Variants in KAT6B observed in about 807,000 individuals in gnomAD.
The protein encoded by KAT6B is histone acetyltransferase KAT6B.
In KAT6B, 10 loss-of-function variants were observed where a neutral mutation model predicts 187.5. The ratio of observed to expected loss-of-function variants is 0.05; its 90% CI spans 0.03 to 0.09. The LOEUF is 0.09. KAT6B is among the 10% of genes least tolerant of loss of function. KAT6B has a pLI of 1.00. For synonymous variants in KAT6B, 861 were observed against 926.8 expected, an observed-to-expected ratio of 0.93 and a Z score of 1.29; for missense variants, 1,952 against 2,558.9, an observed-to-expected ratio of 0.76 and a Z score of 5.12.
intron 6 of KAT6B, 60 bp downstream of exon 6, chr10:74,970,161 A>C: frequency 1.6e-6 from 2 of 1,271,626 alleles, no homozygotes; most frequent in Non-Finnish European, 2.3e-6. Flanking sequence ...CTTTGTCCTG[A>C]GGTCTGACAG....
chr10:74,845,537 A>C (rs1842036563), intron 3 of KAT6B, among the ~76,000 whole-genome samples: 1 of 148,782 alleles, frequency 6.7e-6, no homozygotes, highest in South Asian at 2.1e-4. Flanking sequence ...AAAAAAAAAA[A>C]ACAAAAAAAA....
intron 3 of KAT6B, among the ~76,000 whole-genome samples, chr10:74,857,656 A>G (rs943049468): frequency 6.6e-6 from 1 of 152,200 alleles, no homozygotes; most frequent in Non-Finnish European, 1.5e-5. Flanking sequence ...ACCTAAATCA[A>G]ATTTTGCATT....
At position 74,842,588 on chromosome 10, in the gene KAT6B, T is replaced by G; in HGVS notation, c.-258-12T>G. ...ATTATTAAGAGACTTTCCCCTCTTTTTATCCTTTAAGGTCTTGATTTCCCA... is the reference window on the plus strand; with the variant it reads ...ATTATTAAGAGACTTTCCCCTCTTTGTATCCTTTAAGGTCTTGATTTCCCA... On this transcript the variant is annotated splice_polypyrimidine_tract_variant and intron_variant, in intron 2 of 17. Transcript: ENST00000287239. The G allele has an allele frequency of 1.7e-6, 1 of 590,068 alleles. No individual in the cohort carries two copies. Among genetic ancestry groups the G allele is most frequent in the Non-Finnish European group, 3.0e-6 (1 of 334,066 alleles). The allele number at this position is 590,068 out of a possible 1,614,324, so 36.6% of individuals were successfully genotyped here. A position where few individuals can be genotyped will look rare whatever the true frequency, so the allele number is the denominator to read the frequency against.
At chr10:74,926,657 A>G (rs954419865) in intron 3 of KAT6B, among the ~76,000 whole-genome samples, 3 of 152,224 alleles carry the variant, frequency 2.0e-5, no homozygotes, top group Non-Finnish European at 4.4e-5. Context: ...AGACCAGTCT[A>G]AATGCCACCT....
At chr10:74,830,369 C>G (rs1840659634) in intron 1 of KAT6B, among the ~76,000 whole-genome samples, 1 of 152,052 alleles carries the variant, frequency 6.6e-6, no homozygotes, top group South Asian at 2.1e-4. Flanking sequence ...ATCTGGTGCC[C>G]ATGTGCACAA....
At chr10:74,872,112 A>G (rs1353153236) in intron 3 of KAT6B, among the ~76,000 whole-genome samples, 1 of 152,208 alleles carries the variant, frequency 6.6e-6, no homozygotes, top group Non-Finnish European at 1.5e-5. Flanking sequence ...AATGCCCGGC[A>G]TTGTGTCTGG....
At chr10:74,979,142 A>C in intron 9 of KAT6B, 82 bp from the exon 10 acceptor site, 2 of 880,608 alleles carry the variant, frequency 2.3e-6, no homozygotes, top group South Asian at 2.9e-5. Flanking sequence ...GATCTTGATA[A>C]GTTTTGATAG....
intron 13 of KAT6B, among the ~76,000 whole-genome samples, chr10:75,018,087 C>T (rs755593465): frequency 7.2e-5 from 11 of 152,208 alleles, no homozygotes; most frequent in Non-Finnish European, 1.3e-4. Flanking sequence ...CGGTGCACGT[C>T]ATCCCTGCAC....
At chr10:75,021,435 G>A (rs1016502364) in intron 15 of KAT6B, 150 bp downstream of exon 15, 2 of 724,708 alleles carry the variant, frequency 2.8e-6, no homozygotes, top group African/African-American at 1.8e-5. Flanking sequence ...AACTGAGGTT[G>A]CATGGTAAGA....
In KAT6B at chr10:75,028,740, A is replaced by G. The variant is rs1378257308; in HGVS notation, c.3916A>G (p.Arg1306Gly). 3.1e-6 allele frequency: 5 copies of G among 1,613,988 alleles called. No homozygotes were observed. Among genetic ancestry groups the G allele is most frequent in the Non-Finnish European group, 4.2e-6 (5 of 1,180,036 alleles). ...AGGAAAAACCAGCCCCAGTCCCATC[A>G]GGATTGAGGAGGAGGTCAAGGAAAC... Reference protein sequence around the residue: ...SEGKTSPSPIRIEEEVKETGE... With the variant: ...SEGKTSPSPIGIEEEVKETGE... Residue 1306 changes from arginine (R) to glycine (G), a missense_variant, in exon 18 of 18, where the codon AGG (arginine) becomes GGG (glycine). Arg to Gly is a moderately radical substitution (Grantham distance 125). Around this residue, in one of 9 missense-constraint regions of KAT6B, gnomAD observed 758 missense variants for 891.4 expected, o/e 0.85. Coordinates refer to ENST00000287239, the MANE Select transcript of KAT6B (RefSeq NM_012330.4).
rs151215354 is a variant in KAT6B, at chr10:75,028,766, T to A, written c.3942T>A (p.Thr1314=). ...GGATTGAGGAGGAGGTCAAGGAAAC[T>A]GGGGAAGCCCTGTTGCCTCAAGAGG... ...PIRIEEEVKE[T]GEALLPQEEN... Residue 1314 remains threonine (T), a synonymous_variant, in exon 18 of 18, where the codon ACT becomes ACA. Coordinates refer to ENST00000287239, the MANE Select transcript of KAT6B (RefSeq NM_012330.4). 1 of 1,614,058 alleles carries A rather than the reference T, an allele frequency of 6.2e-7. No individual in the cohort carries two copies. Among genetic ancestry groups the A allele is most frequent in the Non-Finnish European group, 8.5e-7 (1 of 1,180,014 alleles).
chr10:74,895,798 G>A (rs1360185245), intron 3 of KAT6B, among the ~76,000 whole-genome samples: 1 of 152,094 alleles, frequency 6.6e-6, no homozygotes, highest in East Asian at 1.9e-4. Context: ...ATAGGCATGA[G>A]CCACCATGCC....
chr10:74,926,722 T>C (rs887236777), intron 3 of KAT6B, among the ~76,000 whole-genome samples: 1 of 152,330 alleles, frequency 6.6e-6, no homozygotes, highest in Middle Eastern at 3.4e-3. Context: ...AAATTACGTC[T>C]GTGAAACCCT....
intron 3 of KAT6B, among the ~76,000 whole-genome samples, chr10:74,894,525 T>C (rs1450472872): frequency 6.6e-6 from 1 of 152,218 alleles, no homozygotes; most frequent in Admixed American, 6.5e-5. Context: ...TTAGAGTTTT[T>C]TTATCTTGTA....
intron 1 of KAT6B, among the ~76,000 whole-genome samples, chr10:74,837,035 A>G (rs923945040): frequency 3.9e-5 from 6 of 152,166 alleles, no homozygotes; most frequent in African/African-American, 1.4e-4. Flanking sequence ...GTGTTATGAC[A>G]TTGATTTTGA....
chr10:74,990,906 A>G (rs770135164), intron 13 of KAT6B, among the ~76,000 whole-genome samples: 5 of 152,134 alleles, frequency 3.3e-5, no homozygotes, highest in African/African-American at 4.8e-5. Context: ...AGGCTTTTTC[A>G]TCTACTAATC....
chr10:75,029,471 C>T lies in KAT6B; in HGVS notation c.4647C>T (p.Thr1549=), dbSNP rs747427953. ...SETVQAVQSL[T]QESSEQDDTF... is the part of the protein sequence containing the mutation. ...CTGTCCAGGCCGTTCAGTCTTTGAC[C>T]CAGGAGAGCAGCGAACAGGACGACA... Residue 1549 remains threonine (T), a synonymous_variant, in exon 18 of 18, where the codon ACC becomes ACT. Coordinates refer to ENST00000287239, the MANE Select transcript of KAT6B (RefSeq NM_012330.4). This position sits in a 1 kb window ranked among gnomAD's most constrained non-coding sequence, Gnocchi z 6.2. The T allele has an allele frequency of 1.2e-6, 2 of 1,613,982 alleles. No individual in the cohort carries two copies. Among genetic ancestry groups the T allele is most frequent in the African/African-American group, 1.3e-5 (1 of 74,886 alleles).
chr10:74,898,103 A>G (rs1234089750), intron 3 of KAT6B, among the ~76,000 whole-genome samples: 3 of 152,210 alleles, frequency 2.0e-5, no homozygotes, highest in African/African-American at 7.2e-5. Context: ...AAACAGCAAC[A>G]AAGTGTTTAT....
chr10:74,980,904 T>C (rs1842469361), intron 10 of KAT6B, among the ~76,000 whole-genome samples: 1 of 152,242 alleles, frequency 6.6e-6, no homozygotes, highest in Non-Finnish European at 1.5e-5. Context: ...TATAAATCTC[T>C]GATAATAACT....
Sources: allele counts gnomAD v4.1 joint callset (sites outside exome capture counted in the v4.1 genomes callset), GRCh38; gene constraint gnomAD v4.1.1; regional missense constraint gnomAD v4.1.1; non-coding constraint Gnocchi (gnomAD v3.1); transcripts MANE v1.5; gene names NCBI Gene and HGNC (gene_info 2026-07-23, HGNC 2026-07-21).